AP3D1: variants seen among roughly 807,000 people sequenced by gnomAD.
AP3D1 encodes the protein AP-3 complex subunit delta-1.
AP3D1 carries 51 observed loss-of-function variants against 147.6 expected under a neutral mutation model. That is an observed-to-expected ratio of 0.35 (90% CI 0.28 to 0.44). The LOEUF (loss-of-function observed/expected upper bound fraction) is 0.44. AP3D1 is among the 20% of genes least tolerant of loss of function. The probability of loss-of-function intolerance (pLI) is 1.00; values close to 1 mark genes in which losing one functional copy is unlikely to be tolerated. For missense variants in AP3D1, 1,421 were observed against 1,624.2 expected, an observed-to-expected ratio of 0.87 and a Z score of 2.15; for synonymous variants, 760 against 663.0, an observed-to-expected ratio of 1.15 and a Z score of -2.25.
intron 1 of AP3D1, among the ~76,000 whole-genome samples, chr19:2,163,696 C>T (rs1231131750): frequency 1.3e-5 from 2 of 152,020 alleles, no homozygotes; most frequent in Non-Finnish European, 1.5e-5. Flanking sequence ...CACAGGGTCT[C>T]CCCGGGTCCC....
At chr19:2,148,235 G>A (rs756409086) in intron 1 of AP3D1, among the ~76,000 whole-genome samples, 8 of 151,976 alleles carry the variant, frequency 5.3e-5, no homozygotes, top group East Asian at 1.9e-4. Flanking sequence ...ATTAAAAGTC[G>A]TTTGTTTTTT....
At chr19:2,150,019 G>A (rs1018749153) in intron 1 of AP3D1, among the ~76,000 whole-genome samples, 2 of 152,144 alleles carry the variant, frequency 1.3e-5, no homozygotes, top group African/African-American at 4.8e-5. Context: ...GTGGGGTGGA[G>A]AAGAACAAAA....
rs1169365899 is a variant in AP3D1 at position 2,109,075 on chromosome 19, A to G, written c.3472+11T>C. ...GCCCCGTGCAATCCATCAGCCCCTC[A>G]CTCTCCTTACCGGAAAAATGGTGGT... is the stretch of plus-strand genomic sequence containing the variant. On this transcript the variant is annotated intron_variant, in intron 30 of 31. Coordinates refer to ENST00000643116, the MANE Select transcript of AP3D1 (RefSeq NM_001261826.3). 1 of 1,607,452 alleles carries G rather than the reference A, an allele frequency of 6.2e-7. No individual in the cohort carries two copies. The highest frequency in any genetic ancestry group is 8.5e-7 in the Non-Finnish European group (1 of 1,178,074).
Position 2,159,452 on chromosome 19 carries a change from G to A in AP3D1, c.-103+4904C>T, listed in dbSNP as rs373677151. ...GGCCCAGGCTGGAGTGCGGTGGCGC[G>A]ATCTCAGCTCACCGCAAGCTCCGCC... On this transcript the variant is annotated intron_variant, in intron 1 of 14. Coordinates refer to the AP3D1 transcript ENST00000643010. Among the ~76,000 whole-genome samples, 31 of 146,258 alleles carry A rather than the reference G, an allele frequency of 2.1e-4. 1 individual carries two copies. The highest frequency in any genetic ancestry group is 2.1e-3 in the East Asian group (10 of 4,814).
intron 20 of AP3D1, 90 bp from the exon 21 acceptor site, chr19:2,114,911 G>T: frequency 7.2e-7 from 1 of 1,396,950 alleles, no homozygotes; most frequent in Non-Finnish European, 1.0e-6. Context: ...GACTGCCCAT[G>T]CGGGCCACAC....
intron 14 of AP3D1, among the ~76,000 whole-genome samples, chr19:2,119,194 G>A (rs1051090847): frequency 4.6e-5 from 7 of 152,200 alleles, no homozygotes; most frequent in South Asian, 4.1e-4. Flanking sequence ...CTCGGGGTGC[G>A]CCTCACTGGC....
intron 16 of AP3D1, 24 bp from the exon 17 acceptor site, chr19:2,116,770 C>A (rs546814280): frequency 1.3e-6 from 2 of 1,591,334 alleles, no homozygotes; most frequent in South Asian, 1.1e-5. Context: ...GAGGGCCACA[C>A]AAGGCAGTGT....
chr19:2,111,309 G>T lies in AP3D1; in HGVS notation c.2961C>A (p.Leu987=). ...CCATTTTAACATAGGAATTTTCAGC[G>T]AGGAGGGAGTAGCTGGACTCAGGCT... The part of the protein sequence containing the change: ...QLPPESSYSL[L]AENSYVKMTC... Residue 987 remains leucine, a synonymous_variant, in exon 26 of 32, where the codon CTC becomes CTA. Coordinates refer to ENST00000643116, the MANE Select transcript of AP3D1 (RefSeq NM_001261826.3). 1 of 1,614,058 alleles carries T rather than the reference G, an allele frequency of 6.2e-7. No homozygotes were observed. Among genetic ancestry groups the T allele is most frequent in the Non-Finnish European group, 8.5e-7 (1 of 1,179,998 alleles).
chr19:2,145,011 G>T (rs535919102), intron 1 of AP3D1, among the ~76,000 whole-genome samples: 1 of 152,290 alleles, frequency 6.6e-6, no homozygotes, highest in East Asian at 1.9e-4. Context: ...TGAACGTATT[G>T]TGCTGAATCA....
chr19:2,151,158 C>G, intron 1 of AP3D1, 81 bp downstream of exon 1: 2 of 1,335,108 alleles, frequency 1.5e-6, no homozygotes, highest in Non-Finnish European at 1.0e-6. Context: ...GGCGGCAGGC[C>G]GAGCAGGCCC....
At chr19:2,146,417 G>A (rs1330979844) in intron 1 of AP3D1, among the ~76,000 whole-genome samples, 3 of 151,874 alleles carry the variant, frequency 2.0e-5, no homozygotes, top group Admixed American at 6.6e-5. Flanking sequence ...CAGCCTGGCC[G>A]ATACAGTGAA....
At chr19:2,145,743 G>C (rs181116398) in intron 1 of AP3D1, among the ~76,000 whole-genome samples, 2 of 152,016 alleles carry the variant, frequency 1.3e-5, no homozygotes, top group African/African-American at 4.8e-5. Context: ...CACATGCCTC[G>C]GCCTTGAAGC....
chr19:2,138,481 G>GTTGGCCCT, intron 2 of AP3D1, 138 bp downstream of exon 2: 1 of 697,264 alleles, frequency 1.4e-6, no homozygotes, highest in Non-Finnish European at 2.6e-6. Flanking sequence ...AGGACTCTGG[G>GTTGGCCCT]TTGGCCCTGA....
At position 2,117,242 on chromosome 19, in the gene AP3D1, C is replaced by A. The variant is rs775188797; in HGVS notation, c.1839G>T (p.Lys613Asn). Residue 613 changes from lysine to asparagine, a missense_variant, in exon 16 of 32, where the codon AAG becomes AAT. Transcript: ENST00000643116. ...CTTACCCTTCGGGGACTGGAACCTT[C>A]TTCTGGGCCTTGGGGGCCACTGGGT... Reference protein sequence around the residue: ...ELNPVAPKAQKKVPVPEGLDL... With the variant: ...ELNPVAPKAQNKVPVPEGLDL... 8 of 1,611,226 alleles carry A rather than the reference C, an allele frequency of 5.0e-6. No homozygotes were observed. The Admixed American group carries it at 1.3e-4, about 27-fold the overall frequency.
intron 1 of AP3D1, among the ~76,000 whole-genome samples, chr19:2,141,748 T>A (rs906160966): frequency 6.6e-6 from 1 of 151,520 alleles, no homozygotes; most frequent in African/African-American, 2.4e-5. Flanking sequence ...CCTTTTTTTT[T>A]TCTTTTATTG....
chr19:2,110,862 C>T lies in AP3D1; in HGVS notation c.3020G>A (p.Ser1007Asn), dbSNP rs2018254263. ...CAGCACGATGGCCACAGTGACCTGGCTGTCCTCCTGCAGACTGCCCCGGAT... is the reference window on the plus strand; with the variant it reads ...CAGCACGATGGCCACAGTGACCTGGTTGTCCTCCTGCAGACTGCCCCGGAT... Reference protein sequence around the residue: ...CDIRGSLQEDSQVTVAIVLEN... With the variant: ...CDIRGSLQEDNQVTVAIVLEN... Residue 1007 changes from serine (S) to asparagine (N), a missense_variant, in exon 27 of 32, where the codon AGC (serine) becomes AAC (asparagine). Physicochemically the swap from Ser to Asn is conservative, Grantham distance 46. This residue lies in a region of AP3D1 where 791 missense variants were observed against 761.4 expected (regional missense o/e 1.04). Coordinates refer to ENST00000643116, the MANE Select transcript of AP3D1 (RefSeq NM_001261826.3). The T allele has an allele frequency of 2.3e-5, 37 of 1,613,406 alleles. No homozygotes were observed. Among genetic ancestry groups the T allele is most frequent in the Non-Finnish European group, 3.0e-5 (35 of 1,179,970 alleles).
Position 2,116,197 on chromosome 19 carries a change from C to A in AP3D1, c.2073+10G>T, listed in dbSNP as rs201444417. 111 of 1,613,826 alleles carry A rather than the reference C, an allele frequency of 6.9e-5. No homozygotes were observed. Among genetic ancestry groups the A allele is most frequent in the Non-Finnish European group, 8.9e-5 (105 of 1,179,914 alleles). Reference sequence around the variant, plus strand: ...GTGCTGAGGGACAGGCACCCGGGGACGGGCCTCACCTTCTGTGGCGATGGC... The same window carrying A: ...GTGCTGAGGGACAGGCACCCGGGGAAGGGCCTCACCTTCTGTGGCGATGGC... On this transcript the variant is annotated intron_variant, in intron 18 of 31. Transcript: ENST00000643116.
chr19:2,102,947 C>T (rs992667130), intron 31 of AP3D1, among the ~76,000 whole-genome samples: 3 of 151,272 alleles, frequency 2.0e-5, no homozygotes, highest in African/African-American at 7.3e-5. Flanking sequence ...AAAACTCCAT[C>T]TCAAAAATAA....
intron 8 of AP3D1, among the ~76,000 whole-genome samples, chr19:2,127,557 C>G (rs2018792153): frequency 6.6e-6 from 1 of 152,240 alleles, no homozygotes; most frequent in Admixed American, 6.5e-5. Context: ...CGGAGTCTCG[C>G]TCTGTTGCCC....
Sources: gnomAD v4.1 joint callset for allele counts (sites outside exome capture counted in the v4.1 genomes callset) on GRCh38, gnomAD v4.1.1 for gene constraint, gnomAD v4.1.1 regional missense constraint, MANE v1.5 for transcripts, NCBI Gene and HGNC (gene_info 2026-07-23, HGNC 2026-07-21) for gene names.